Variants in MARCHF6 observed in about 807,000 individuals in gnomAD.
MARCHF6 encodes the protein E3 ubiquitin-protein ligase MARCHF6.
MARCHF6 carries 31 observed loss-of-function variants against 133.7 expected under a neutral mutation model. The observed-to-expected ratio is 0.23, with a 90% CI of 0.17 to 0.31. MARCHF6 has a LOEUF of 0.31. MARCHF6 is among the 10% of genes least tolerant of loss of function. MARCHF6 has a pLI of 1.00. For missense variants in MARCHF6, 723 were observed against 1,121.6 expected (o/e 0.64, Z 5.08); for synonymous variants, 395 against 402.5 (o/e 0.98, Z 0.22).
At position 10,439,142 on chromosome 5, in the gene MARCHF6, C is replaced by T. The variant is rs576284237; in HGVS notation, c.*5458C>T. 2 of 152,186 alleles carry T rather than the reference C, an allele frequency of 1.3e-5. No homozygotes were observed. Among genetic ancestry groups the T allele is most frequent in the South Asian group, 2.1e-4 (1 of 4,812 alleles). 9.4% of individuals were successfully genotyped at this position (152,186 alleles called of 1,614,324 possible). ...TCCCTTCTGCTGGCTGTGCATTGGT[C>T]TAATGGAACAGAATAGAGTCCAGAA... is the stretch of plus-strand genomic sequence containing the variant. On this transcript the variant is annotated 3_prime_UTR_variant, in exon 26 of 26. Transcript: ENST00000274140.
chr5:10,392,400 A>G (rs188017836), intron 7 of MARCHF6, among the ~76,000 whole-genome samples: 13 of 152,272 alleles, frequency 8.5e-5, no homozygotes, highest in African/African-American at 2.4e-4. Flanking sequence ...AGTCAGTGCA[A>G]TTTCTAAGAT....
intron 7 of MARCHF6, 60 bp from the exon 8 acceptor site, chr5:10,394,022 T>G (rs1260050991): frequency 9.4e-7 from 1 of 1,064,174 alleles, no homozygotes; most frequent in Non-Finnish European, 1.3e-6. Flanking sequence ...TGCATTCTAT[T>G]TTTTTTATTA....
intron 21 of MARCHF6, 100 bp from the exon 22 acceptor site, chr5:10,417,168 CTG>C (rs1739558772): frequency 3.0e-6 from 4 of 1,312,044 alleles, no homozygotes; most frequent in African/African-American, 1.5e-5. Context: ...TGAGGGATGA[CTG>C]TGGTTGCTCT....
chr5:10,410,427 CT>C (rs1345793864), intron 18 of MARCHF6, 151 bp downstream of exon 18: 1 of 897,452 alleles, frequency 1.1e-6, no homozygotes, highest in Non-Finnish European at 1.6e-6. Flanking sequence ...TATAATACTT[CT>C]AAATGAAATT....
chr5:10,425,499 A>G (rs533033812), intron 23 of MARCHF6, among the ~76,000 whole-genome samples: 2 of 152,222 alleles, frequency 1.3e-5, no homozygotes, highest in African/African-American at 2.4e-5. Flanking sequence ...TTTAAGAAAA[A>G]TGGTTGGAAA....
At chr5:10,381,480 A>T (rs1737141074) in intron 3 of MARCHF6, among the ~76,000 whole-genome samples, 1 of 152,132 alleles carries the variant, frequency 6.6e-6, no homozygotes, top group Non-Finnish European at 1.5e-5. Flanking sequence ...CCAGATGATT[A>T]TATTGGTTGA....
intron 17 of MARCHF6, among the ~76,000 whole-genome samples, chr5:10,409,694 G>T (rs1257876622): frequency 6.6e-6 from 1 of 152,146 alleles, no homozygotes; most frequent in Non-Finnish European, 1.5e-5. Flanking sequence ...GGAGTGGCTA[G>T]GTCAGAAACA....
At chr5:10,378,017 T>G (rs1339921080) in intron 2 of MARCHF6, 123 bp downstream of exon 2, 1 of 607,112 alleles carries the variant, frequency 1.6e-6, no homozygotes, top group Non-Finnish European at 2.8e-6. Context: ...TGTATTTTCC[T>G]GAGCACAGGA....
intron 25 of MARCHF6, among the ~76,000 whole-genome samples, chr5:10,430,398 C>A (rs1395832175): frequency 2.6e-5 from 4 of 151,512 alleles, no homozygotes; most frequent in Non-Finnish European, 4.4e-5. Flanking sequence ...CTCCACCTCC[C>A]AGGTTCAAGC....
intron 15 of MARCHF6, among the ~76,000 whole-genome samples, chr5:10,403,798 G>A (rs1475009427): frequency 6.6e-6 from 1 of 152,120 alleles, no homozygotes; most frequent in Non-Finnish European, 1.5e-5. Context: ...AAAGATAAGA[G>A]TACTCATTTT....
At chr5:10,428,378 T>C (rs938436341) in intron 24 of MARCHF6, among the ~76,000 whole-genome samples, 2 of 149,658 alleles carry the variant, frequency 1.3e-5, no homozygotes, top group African/African-American at 2.5e-5. Context: ...GTCTCGCTCT[T>C]TTGCCCAGGC....
rs1362762838 is a variant in MARCHF6, at chr5:10,378,279, TCTCAA to T, written c.116+390_116+394del. 2.6e-5 allele frequency among the ~76,000 whole-genome samples: 4 copies of T among 152,336 alleles called. No individual in the cohort carries two copies. In the East Asian group the frequency reaches 7.7e-4, roughly 29 times the overall value. On this transcript the variant is annotated intron_variant, in intron 2 of 25. Coordinates refer to ENST00000274140, the MANE Select transcript of MARCHF6 (RefSeq NM_005885.4). Reference sequence around the variant, plus strand: ...AGAACTGTTCTTAGTGGTTTGTACATCTCAACTCATTTTTAATCCTTATAAGAAAA... The same window carrying T: ...AGAACTGTTCTTAGTGGTTTGTACATCTCATTTTTAATCCTTATAAGAAAA...
At chr5:10,394,200 C>G (rs1579572409) in intron 8 of MARCHF6, 57 bp downstream of exon 8, 1 of 1,185,282 alleles carries the variant, frequency 8.4e-7, no homozygotes, top group East Asian at 2.5e-5. Context: ...ATATTTTAAA[C>G]TTTGGTGTAT....
chr5:10,415,643 CAGA>C lies in MARCHF6; in HGVS notation c.2125_2127del (p.Lys709del). 2 of 1,614,078 alleles carry C rather than the reference CAGA, an allele frequency of 1.2e-6. No individual in the cohort carries two copies. The highest frequency in any genetic ancestry group is 1.7e-6 in the Non-Finnish European group (2 of 1,180,008). On this transcript the variant is annotated inframe_deletion, in exon 21 of 26. Transcript: ENST00000274140. ...GCCTCAGGGACGCAGAGTGATCTTC[CAGA>C]AGGTTAAAGAGTGGTCTCTCATGGT... is the stretch of plus-strand genomic sequence containing the variant.
chr5:10,403,267 T>C (rs1738657188), intron 14 of MARCHF6, 140 bp from the exon 15 acceptor site: 1 of 721,502 alleles, frequency 1.4e-6, no homozygotes, highest in East Asian at 2.7e-5. Context: ...TGTGACACCG[T>C]GGAATGACAT....
In MARCHF6 at chr5:10,439,508, T is replaced by C. The variant is rs1051981019; in HGVS notation, c.*5824T>C. On this transcript the variant is annotated 3_prime_UTR_variant, in exon 26 of 26. Coordinates refer to ENST00000274140, the MANE Select transcript of MARCHF6 (RefSeq NM_005885.4). The stretch of plus-strand genomic sequence containing the variant: ...ATAAGGAGAACAAAAAGACAAGCTG[T>C]AGAGTGGCAGAAAAATATTTGCAAA... 1.3e-5 allele frequency: 2 copies of C among 152,198 alleles called. No individual in the cohort carries two copies. The highest frequency in any genetic ancestry group is 2.9e-5 in the Non-Finnish European group (2 of 68,022). The allele number at this position is 152,198 out of a possible 1,614,324, so 9.4% of individuals were successfully genotyped here. A position where few individuals can be genotyped will look rare whatever the true frequency, so the allele number is the denominator to read the frequency against.
intron 1 of MARCHF6, among the ~76,000 whole-genome samples, chr5:10,360,806 A>G (rs984178441): frequency 2.0e-5 from 3 of 152,216 alleles, no homozygotes; most frequent in Non-Finnish European, 2.9e-5. Context: ...TGAGCTGGTA[A>G]GACAGTGCAA....
chr5:10,380,034 A>T (rs1404272920), intron 3 of MARCHF6, among the ~76,000 whole-genome samples: 2 of 152,102 alleles, frequency 1.3e-5, no homozygotes, highest in African/African-American at 4.8e-5. Flanking sequence ...TTAATATTTA[A>T]TATGTTTTAT....
chr5:10,423,896 T>TA, intron 23 of MARCHF6, 72 bp downstream of exon 23: 2 of 1,092,798 alleles, frequency 1.8e-6, no homozygotes, highest in Non-Finnish European at 2.7e-6. Flanking sequence ...CTATAACTCT[T>TA]ATTTCTTATC....
Sources: gnomAD v4.1 joint callset for allele counts (sites outside exome capture counted in the v4.1 genomes callset) on GRCh38, gnomAD v4.1.1 for gene constraint, MANE v1.5 for transcripts, NCBI Gene and HGNC (gene_info 2026-07-23, HGNC 2026-07-21) for gene names.